Variants in PTPRO observed in about 807,000 individuals in gnomAD.
PTPRO encodes protein tyrosine phosphatase receptor type O.
A neutral mutation model predicts 145.2 loss-of-function variants in PTPRO; 62 were observed. The observed-to-expected ratio is 0.43, with a 90% CI of 0.35 to 0.53. The LOEUF (loss-of-function observed/expected upper bound fraction) is 0.53, where lower values mean the gene tolerates loss of function less well. Ranked by LOEUF, PTPRO falls within the 20% of genes least tolerant of loss-of-function variation. The probability of loss-of-function intolerance (pLI) is 0.01; values close to 1 mark genes in which losing one functional copy is unlikely to be tolerated. For synonymous variants in PTPRO, 565 were observed against 514.7 expected (o/e 1.10, Z -1.32); for missense variants, 1,345 against 1,482.7 (o/e 0.91, Z 1.53).
At position 15,508,655 on chromosome 12, in the gene PTPRO, T is replaced by C. The variant is rs1280976750; in HGVS notation, c.1352T>C (p.Met451Thr). 6.2e-7 allele frequency: 1 copy of C among 1,614,086 alleles called. No homozygotes were observed. ...GTTTTAAGCTCAACCACTGCCTTGA[T>C]GTCCTGGACATCTTCCCAAGAGAAC... ...VHVLSSTTAL[M>T]SWTSSQENYN... is the part of the protein sequence containing the mutation. The change falls in exon 7 of 27, where the codon ATG becomes ACG. Residue 451 changes from methionine (M) to threonine (T), a missense_variant. Around this residue, in one of 3 missense-constraint regions of PTPRO, gnomAD observed 1,130 missense variants for 1,214.7 expected, o/e 0.93. Coordinates refer to ENST00000281171, the MANE Select transcript of PTPRO (RefSeq NM_030667.3).
intron 1 of PTPRO, among the ~76,000 whole-genome samples, chr12:15,365,719 G>A (rs971394856): frequency 1.3e-5 from 2 of 152,008 alleles, no homozygotes; most frequent in African/African-American, 4.8e-5. Context: ...TGTCTACAAG[G>A]AAAATCCTTT....
chr12:15,537,604 GA>G (rs929617413), intron 12 of PTPRO, among the ~76,000 whole-genome samples: 12 of 151,214 alleles, frequency 7.9e-5, no homozygotes, highest in Admixed American at 2.0e-4. Flanking sequence ...ATGGTGACGG[GA>G]AAAAAAAATC....
At chr12:15,525,059 T>C (rs1469644253) in intron 11 of PTPRO, 94 bp downstream of exon 11, 10 of 1,420,630 alleles carry the variant, frequency 7.0e-6, no homozygotes, top group Non-Finnish European at 9.8e-6. Flanking sequence ...ACACGTCAAA[T>C]GTTTGCATAC....
chr12:15,543,616 G>A (rs572619626), intron 12 of PTPRO, among the ~76,000 whole-genome samples: 59 of 152,228 alleles, frequency 3.9e-4, no homozygotes, highest in Non-Finnish European at 8.1e-4. Flanking sequence ...GTACCTATAG[G>A]TGGCTACTTC....
chr12:15,520,519 C>T (rs1471815188), intron 10 of PTPRO, among the ~76,000 whole-genome samples: 4 of 152,128 alleles, frequency 2.6e-5, no homozygotes, highest in African/African-American at 9.7e-5. Context: ...TTTTGTGTTA[C>T]CACCGTTGAC....
intron 1 of PTPRO, among the ~76,000 whole-genome samples, chr12:15,362,052 A>C (rs1294915906): frequency 6.6e-6 from 1 of 152,096 alleles, no homozygotes; most frequent in Admixed American, 6.5e-5. Context: ...GAGGAGAATA[A>C]ATTCTCCTCC....
At chr12:15,399,844 G>T (rs556498607) in intron 1 of PTPRO, among the ~76,000 whole-genome samples, 1 of 151,182 alleles carries the variant, frequency 6.6e-6, no homozygotes, top group Non-Finnish European at 1.5e-5. Context: ...TGAGGTCAGG[G>T]GTTCGAGACC....
chr12:15,343,526 A>G (rs1591719467), intron 1 of PTPRO, among the ~76,000 whole-genome samples: 2 of 152,170 alleles, frequency 1.3e-5, no homozygotes, highest in South Asian at 2.1e-4. Context: ...TATCTCTACA[A>G]AAAATTTCAA....
chr12:15,413,671 C>G (rs1470546960), intron 1 of PTPRO, among the ~76,000 whole-genome samples: 2 of 152,006 alleles, frequency 1.3e-5, no homozygotes, highest in East Asian at 3.9e-4. Context: ...GAAAATTAGC[C>G]AGGCATGGTA....
chr12:15,471,601 T>C (rs1435810523), intron 1 of PTPRO, among the ~76,000 whole-genome samples: 2 of 152,208 alleles, frequency 1.3e-5, no homozygotes, highest in Non-Finnish European at 2.9e-5. Flanking sequence ...CTTTGTTATG[T>C]CATCATCATC....
intron 4 of PTPRO, 22 bp from the exon 5 acceptor site, chr12:15,501,598 A>G: frequency 1.3e-6 from 2 of 1,592,898 alleles, no homozygotes; most frequent in South Asian, 2.2e-5. Context: ...ATACTTGAAA[A>G]TGAAAATTCT....
intron 1 of PTPRO, among the ~76,000 whole-genome samples, chr12:15,406,873 C>T (rs1036246453): frequency 2.0e-5 from 3 of 152,086 alleles, no homozygotes; most frequent in South Asian, 2.1e-4. Flanking sequence ...TGGGTCAATA[C>T]GAAGTGAAAC....
At chr12:15,479,675 C>T (rs1941736108) in intron 1 of PTPRO, among the ~76,000 whole-genome samples, 1 of 152,210 alleles carries the variant, frequency 6.6e-6, no homozygotes, top group Non-Finnish European at 1.5e-5. Context: ...GAGCAGATTT[C>T]TCTCCCCCAG....
intron 1 of PTPRO, among the ~76,000 whole-genome samples, chr12:15,395,050 A>G (rs1939298369): frequency 6.6e-6 from 1 of 152,220 alleles, no homozygotes; most frequent in Admixed American, 6.5e-5. Context: ...GTAATATGCA[A>G]CAAACCTAGG....
At chr12:15,508,841 C>T in intron 7 of PTPRO, 74 bp downstream of exon 7, 1 of 1,474,180 alleles carries the variant, frequency 6.8e-7, no homozygotes, top group Non-Finnish European at 9.4e-7. Flanking sequence ...GCCAAGGAGG[C>T]AATTGTAGGA....
chr12:15,411,712 T>C (rs1272594953), intron 1 of PTPRO, among the ~76,000 whole-genome samples: 1 of 152,230 alleles, frequency 6.6e-6, no homozygotes, highest in Non-Finnish European at 1.5e-5. Flanking sequence ...AACTAAATAC[T>C]TCCATGATGT....
chr12:15,462,515 G>C (rs1217167806), intron 1 of PTPRO, among the ~76,000 whole-genome samples: 1 of 152,120 alleles, frequency 6.6e-6, no homozygotes, highest in Non-Finnish European at 1.5e-5. Context: ...AATATTTGTT[G>C]CTTCTTACTG....
chr12:15,497,231 C>T lies in PTPRO; in HGVS notation c.350-14C>T. ...TCTTTCTTTTCCCTTTCTCCATTTA[C>T]TTCACTTCTGTAGAACCTCTACCTG... is the stretch of plus-strand genomic sequence containing the variant. On this transcript the variant is annotated splice_polypyrimidine_tract_variant and intron_variant, in intron 2 of 26. Coordinates refer to ENST00000281171, the MANE Select transcript of PTPRO (RefSeq NM_030667.3). The T allele has an allele frequency of 1.3e-6, 2 of 1,548,188 alleles. No homozygotes were observed. Among genetic ancestry groups the T allele is most frequent in the Non-Finnish European group, 1.8e-6 (2 of 1,121,906 alleles).
intron 23 of PTPRO, 143 bp from the exon 24 acceptor site, chr12:15,586,754 G>T: frequency 1.2e-6 from 1 of 813,764 alleles, no homozygotes; most frequent in Non-Finnish European, 2.0e-6. Flanking sequence ...TGCCAGATAT[G>T]GTGCTCAAAG....
Sources: gnomAD v4.1 joint callset for allele counts (sites outside exome capture counted in the v4.1 genomes callset) on GRCh38, gnomAD v4.1.1 for gene constraint, gnomAD v4.1.1 regional missense constraint, MANE v1.5 for transcripts, NCBI Gene and HGNC (gene_info 2026-07-23, HGNC 2026-07-21) for gene names.